SND1: variants seen among roughly 807,000 people sequenced by gnomAD.
The protein encoded by SND1 is staphylococcal nuclease domain-containing protein 1.
SND1 carries 38 observed loss-of-function variants against 121.7 expected under a neutral mutation model. The observed-to-expected ratio is 0.31, with a 90% confidence interval of 0.24 to 0.41. SND1 has a LOEUF of 0.41. SND1 is among the 10% of genes least tolerant of loss of function. The pLI is 1.00. For synonymous variants in SND1, 401 were observed against 447.4 expected (o/e 0.90, Z 1.31); for missense variants, 868 against 1,184.6 (o/e 0.73, Z 3.92).
At chr7:127,786,768 C>T (rs921375719) in intron 10 of SND1, among the ~76,000 whole-genome samples, 10 of 152,230 alleles carry the variant, frequency 6.6e-5, no homozygotes, top group Admixed American at 3.3e-4. Flanking sequence ...CTCAGCCTCC[C>T]GTGTAGCTGG....
At chr7:127,894,606 CATTTCTATACCAGTCTGTTTAGA>C (rs1372172971) in intron 13 of SND1, among the ~76,000 whole-genome samples, 1 of 152,080 alleles carries the variant, frequency 6.6e-6, no homozygotes, top group African/African-American at 2.4e-5. Flanking sequence ...AAGAAAATTT[CATTTCTATACCAGTCTGTTTAGA>C]CAGTTGGCAT....
intron 10 of SND1, among the ~76,000 whole-genome samples, chr7:127,733,887 G>A (rs144181336): frequency 1.3e-5 from 2 of 152,214 alleles, no homozygotes; most frequent in East Asian, 3.9e-4. Flanking sequence ...GTGAAATCTA[G>A]TTGAGCTTTT....
In SND1 at chr7:128,081,511, C is replaced by G. The variant is rs1446549823; in HGVS notation, c.2110+10C>G. 1 of 1,613,216 alleles carries G rather than the reference C, an allele frequency of 6.2e-7. No individual in the cohort carries two copies. Among genetic ancestry groups the G allele is most frequent in the South Asian group, 1.1e-5 (1 of 91,056 alleles). On this transcript the variant is annotated intron_variant, in intron 18 of 23. Coordinates refer to ENST00000354725, the MANE Select transcript of SND1 (RefSeq NM_014390.4). ...CAGGATGTGGAGACCGGTGAGTGCT[C>G]AGGCCGCTGGCTCGTGGTTCCTGGC...
At chr7:127,920,840 G>A (rs1030054040) in intron 14 of SND1, among the ~76,000 whole-genome samples, 3 of 135,026 alleles carry the variant, frequency 2.2e-5, no homozygotes, top group African/African-American at 8.2e-5. Context: ...TGCACTTTCT[G>A]TGCCTAACTT....
At chr7:127,975,043 A>G (rs1292318862) in intron 15 of SND1, among the ~76,000 whole-genome samples, 1 of 152,138 alleles carries the variant, frequency 6.6e-6, no homozygotes, top group Non-Finnish European at 1.5e-5. Flanking sequence ...AAAAAGCCCT[A>G]TTTGTGACTG....
intron 1 of SND1, among the ~76,000 whole-genome samples, chr7:127,680,862 T>C (rs1795711713): frequency 6.6e-6 from 1 of 151,920 alleles, no homozygotes; most frequent in Admixed American, 6.6e-5. Flanking sequence ...TCATGGAATC[T>C]TCACAATTTA....
At chr7:127,828,776 C>G (rs1042818710) in intron 11 of SND1, among the ~76,000 whole-genome samples, 1 of 152,226 alleles carries the variant, frequency 6.6e-6, no homozygotes, top group Non-Finnish European at 1.5e-5. Context: ...CACAATTCTT[C>G]TATTCTTGAG....
chr7:127,788,060 AATGTGGC>A (rs945117875), intron 10 of SND1, among the ~76,000 whole-genome samples: 1 of 152,176 alleles, frequency 6.6e-6, no homozygotes, highest in Non-Finnish European at 1.5e-5. Context: ...TGAATGTTAC[AATGTGGC>A]ATGTTTTCCA....
Position 128,057,656 on chromosome 7 carries a change from C to T in SND1, c.1780-16846C>T, listed in dbSNP as rs78675006. 4.8e-4 allele frequency among the ~76,000 whole-genome samples: 73 copies of T among 152,270 alleles called. 2 individuals carry two copies. In the East Asian group the frequency reaches 0.014, roughly 29 times the overall value. ...AGCAAATGCTTTCCTAGAAGTCCCA[C>T]CAAGAAATTTCTGCCGAATCTCGCT... is the stretch of plus-strand genomic sequence containing the variant. On this transcript the variant is annotated intron_variant, in intron 16 of 23. Transcript: ENST00000354725.
intron 11 of SND1, among the ~76,000 whole-genome samples, chr7:127,828,312 ATTTCC>A (rs1354179868): frequency 1.3e-5 from 2 of 151,826 alleles, no homozygotes; most frequent in African/African-American, 2.4e-5. Flanking sequence ...TTTCATTTCT[ATTTCC>A]TATACCTTCT....
chr7:127,764,055 A>AAAC lies in SND1; in HGVS notation c.1152+42657_1152+42658insCAA, dbSNP rs1194052493. Among the ~76,000 whole-genome samples the AAAC allele has an allele frequency of 4.5e-4, 54 of 120,844 alleles. 1 individual carries two copies. The highest frequency in any genetic ancestry group is 1.4e-4 in the Non-Finnish European group (7 of 51,626). 79.3% of individuals were successfully genotyped at this position (120,844 alleles called of 152,430 possible). A position where few individuals can be genotyped will look rare whatever the true frequency, so the allele number is the denominator to read the frequency against. ...CCCTGTCGCAAAAAAAAAAAAAACA[A>AAAC]AAAAACAAAAAAACAAAAAACCCAA... On this transcript the variant is annotated intron_variant, in intron 10 of 23. Transcript: ENST00000354725.
chr7:128,017,919 G>A (rs1803261388), intron 16 of SND1, among the ~76,000 whole-genome samples: 1 of 152,230 alleles, frequency 6.6e-6, no homozygotes, highest in African/African-American at 2.4e-5. Flanking sequence ...GCAGGGAGCA[G>A]GGGAGAGGAA....
chr7:128,016,685 T>C (rs1389646418), intron 16 of SND1, among the ~76,000 whole-genome samples: 2 of 152,260 alleles, frequency 1.3e-5, no homozygotes, highest in African/African-American at 4.8e-5. Context: ...TTTTTCTTTC[T>C]CTAAAGTCAC....
intron 15 of SND1, among the ~76,000 whole-genome samples, chr7:127,957,381 TG>T (rs1481012847): frequency 1.3e-5 from 2 of 152,178 alleles, no homozygotes; most frequent in African/African-American, 4.8e-5. Context: ...CCTATCGTTG[TG>T]GGGGTGTTTC....
intron 12 of SND1, among the ~76,000 whole-genome samples, chr7:127,846,755 A>T (rs1799071229): frequency 6.6e-6 from 1 of 152,024 alleles, no homozygotes; most frequent in African/African-American, 2.4e-5. Context: ...TTTCTTTATC[A>T]GGCGGCCCCC....
intron 10 of SND1, among the ~76,000 whole-genome samples, chr7:127,759,932 C>T (rs1797271454): frequency 6.6e-6 from 1 of 152,168 alleles, no homozygotes; most frequent in Non-Finnish European, 1.5e-5. Flanking sequence ...GCCAGCCTCT[C>T]CTCTAGGAAT....
intron 10 of SND1, among the ~76,000 whole-genome samples, chr7:127,727,066 A>G (rs1386781538): frequency 6.6e-6 from 1 of 152,138 alleles, no homozygotes; most frequent in Non-Finnish European, 1.5e-5. Flanking sequence ...CCTGTCTTTT[A>G]GTGTCCTCCC....
chr7:127,695,079 C>A, intron 3 of SND1, 131 bp downstream of exon 3: 2 of 1,074,170 alleles, frequency 1.9e-6, no homozygotes, highest in Non-Finnish European at 2.7e-6. Flanking sequence ...GGCATAAATG[C>A]AAATGCTTTG....
At chr7:127,670,544 C>T (rs1435747727) in intron 1 of SND1, among the ~76,000 whole-genome samples, 1 of 152,230 alleles carries the variant, frequency 6.6e-6, no homozygotes, top group Non-Finnish European at 1.5e-5. Flanking sequence ...ATGGTCTTGC[C>T]TCTTATAGAA....
Sources: allele counts gnomAD v4.1 joint callset (sites outside exome capture counted in the v4.1 genomes callset), GRCh38; gene constraint gnomAD v4.1.1; transcripts MANE v1.5; gene names NCBI Gene and HGNC (gene_info 2026-07-23, HGNC 2026-07-21).